Variants in PLCH2 observed in about 807,000 individuals in gnomAD.
PLCH2 encodes 1-phosphatidylinositol 4,5-bisphosphate phosphodiesterase eta-2.
A neutral mutation model predicts 134.7 loss-of-function variants in PLCH2; 98 were observed. The observed-to-expected ratio is 0.73, with a 90% CI of 0.62 to 0.86. The LOEUF (loss-of-function observed/expected upper bound fraction) is 0.86. Among genes scored for constraint, PLCH2 ranks in the 40% least tolerant of loss-of-function variants. The probability of loss-of-function intolerance (pLI) is 0.00; values close to 1 mark genes in which losing one functional copy is unlikely to be tolerated. For missense variants in PLCH2, 1,994 were observed against 1,986.6 expected, an observed-to-expected ratio of 1.00 and a Z score of -0.07; for synonymous variants, 974 against 827.5, an observed-to-expected ratio of 1.18 and a Z score of -3.04.
Position 2,504,783 on chromosome 1 carries a change from G to T in PLCH2, c.3821G>T (p.Arg1274Leu). ...GCCCCTAGCTTTGAGGGCGGCTCCC[G>T]CAGACTGAGCCACAGCCTGGGCCTC... ...DFAPSFEGGSRRLSHSLGLPG... is the reference protein window; with the variant it reads ...DFAPSFEGGSLRLSHSLGLPG... Residue 1274 changes from arginine (R) to leucine (L), a missense_variant, in exon 22 of 22, where the codon CGC (arginine) becomes CTC (leucine). This residue lies in a region of PLCH2 where 900 missense variants were observed against 752.3 expected (regional missense o/e 1.20). Transcript: ENST00000378486. 6.2e-7 allele frequency: 1 copy of T among 1,612,004 alleles called. No homozygotes were observed. Among genetic ancestry groups the T allele is most frequent in the East Asian group, 2.2e-5 (1 of 44,848 alleles).
chr1:2,486,768 G>A (rs1642307954), intron 5 of PLCH2, 139 bp from the exon 6 acceptor site: 2 of 692,276 alleles, frequency 2.9e-6, no homozygotes, highest in Non-Finnish European at 5.1e-6. Flanking sequence ...CCCAAGTCAT[G>A]TGACACTGGA....
chr1:2,491,081 C>A, intron 10 of PLCH2, 111 bp from the exon 11 acceptor site: 1 of 1,080,328 alleles, frequency 9.3e-7, no homozygotes, highest in Non-Finnish European at 1.3e-6. Flanking sequence ...GTGAATCACA[C>A]GCCTTCCCTG....
rs1643057548 is a variant in PLCH2 at position 2,498,987 on chromosome 1, G to A, written c.2435-97G>A. On this transcript the variant is annotated intron_variant, in intron 18 of 21. Transcript: ENST00000378486. The surrounding 1 kb of genome is among the most constrained non-coding windows in gnomAD (Gnocchi z 5.4). Reference sequence around the variant, plus strand: ...GGCAGTCCCGGAAGCAGCACCGGGAGTGGCACTGGGAGTGGTGTGGGCCGG... The same window carrying A: ...GGCAGTCCCGGAAGCAGCACCGGGAATGGCACTGGGAGTGGTGTGGGCCGG... 2 of 1,457,968 alleles carry A rather than the reference G, an allele frequency of 1.4e-6. No homozygotes were observed. Among genetic ancestry groups the A allele is most frequent in the African/African-American group, 1.4e-5 (1 of 71,464 alleles). The allele number at this position is 1,457,968 out of a possible 1,614,324, so 90.3% of individuals were successfully genotyped here.
intron 2 of PLCH2, among the ~76,000 whole-genome samples, chr1:2,443,680 C>T (rs1344479993): frequency 6.7e-6 from 1 of 149,074 alleles, no homozygotes; most frequent in East Asian, 1.9e-4. Flanking sequence ...GCGGAGCCCG[C>T]GCCCCCGGCC....
Position 2,439,685 on chromosome 1 carries a change from C to T in PLCH2, c.115+9056C>T, listed in dbSNP as rs1291816756. 6.6e-6 allele frequency among the ~76,000 whole-genome samples: 1 copy of T among 152,224 alleles called. No individual in the cohort carries two copies. Among genetic ancestry groups the T allele is most frequent in the Non-Finnish European group, 1.5e-5 (1 of 68,044 alleles). ...CCTCTGAGACCTCCCGCCCAGGTCT[C>T]TGGCCCTGAGCCATCTGTTCACCTG... On this transcript the variant is annotated intron_variant, in intron 2 of 3. Coordinates refer to the PLCH2 transcript ENST00000609981. The surrounding 1 kb of genome is among the most constrained non-coding windows in gnomAD (Gnocchi z 4.7).
At chr1:2,434,502 G>C (rs1639231413) in intron 2 of PLCH2, among the ~76,000 whole-genome samples, 1 of 152,228 alleles carries the variant, frequency 6.6e-6, no homozygotes, top group Admixed American at 6.5e-5. Context: ...CACTGCCTTT[G>C]TAGACAAAGC....
chr1:2,455,580 A>T (rs1212313717), intron 2 of PLCH2, among the ~76,000 whole-genome samples: 2 of 152,132 alleles, frequency 1.3e-5, no homozygotes, highest in East Asian at 3.9e-4. Flanking sequence ...CTCTGTGGCC[A>T]CCATAGCTGG....
chr1:2,497,395 G>A (rs954050492), intron 15 of PLCH2, 107 bp from the exon 16 acceptor site: 3 of 731,268 alleles, frequency 4.1e-6, no homozygotes, highest in Non-Finnish European at 7.0e-6. Flanking sequence ...GCAGACGGCA[G>A]ATACGCGGCA....
At chr1:2,435,695 T>C (rs1277572925) in intron 2 of PLCH2, among the ~76,000 whole-genome samples, 1 of 151,734 alleles carries the variant, frequency 6.6e-6, no homozygotes, top group East Asian at 1.9e-4. Context: ...GGAGACTGGG[T>C]TTCCAGGGTC....
chr1:2,418,035 G>A, the PLCH2 span, among the ~76,000 whole-genome samples: 2 of 152,222 alleles, frequency 1.3e-5, no homozygotes, highest in Non-Finnish European at 2.9e-5. Context: ...GCATCCCTGT[G>A]TCCTGCCCCC....
intron 4 of PLCH2, among the ~76,000 whole-genome samples, chr1:2,480,855 G>C (rs759151830): frequency 6.6e-6 from 1 of 152,222 alleles, no homozygotes; most frequent in East Asian, 1.9e-4. Context: ...CTGCTGGGCC[G>C]GGGGAGAGAA....
rs559173476 is a variant in PLCH2 at position 2,503,767 on chromosome 1, G to A, written c.2960-155G>A. ...GGGACACCGAGTGTGCCGCGCCCGG[G>A]GGATGCCTCGGGGTGGGAGCTGGGC... On this transcript the variant is annotated intron_variant, in intron 21 of 21. Transcript: ENST00000378486. 1.4e-4 allele frequency: 84 copies of A among 615,896 alleles called. 1 individual carries two copies. Among genetic ancestry groups the A allele is most frequent in the African/African-American group, 1.3e-3 (71 of 54,580 alleles). 38.2% of individuals were successfully genotyped at this position (615,896 alleles called of 1,614,324 possible). A position where few individuals can be genotyped will look rare whatever the true frequency, so the allele number is the denominator to read the frequency against.
rs757985533 is a variant in PLCH2, at chr1:2,487,375, G to A, written c.1113G>A (p.Glu371=). 4.3e-6 allele frequency: 7 copies of A among 1,612,182 alleles called. No homozygotes were observed. The Admixed American group carries it at 1.2e-4, about 27-fold the overall frequency. The stretch of plus-strand genomic sequence containing the variant: ...TGCAGGCTGGCTGCCGCTGCGTGGA[G>A]GGTAAGCCCTGGACCTTGGGTGACG... ...WVLQAGCRCV[E]VDCWDGPDGE... The change falls in exon 7 of 22, where the codon GAG becomes GAA. Residue 371 remains glutamate, a splice_region_variant and synonymous_variant. Transcript: ENST00000378486.
chr1:2,417,180 G>A, the PLCH2 span, among the ~76,000 whole-genome samples: 2 of 152,176 alleles, frequency 1.3e-5, no homozygotes, highest in Non-Finnish European at 2.9e-5. Context: ...CCATGACCTC[G>A]CTGATAGGAA....
At chr1:2,420,136 G>A in the PLCH2 span, among the ~76,000 whole-genome samples, 48,249 of 151,692 alleles carry the variant, frequency 0.32, 7,874 homozygotes, top group East Asian at 0.52. Context: ...TCAGTGCTGA[G>A]TTAAGGACTC....
chr1:2,489,738 C>A, intron 9 of PLCH2, 22 bp from the exon 10 acceptor site: 2 of 1,576,084 alleles, frequency 1.3e-6, no homozygotes, highest in South Asian at 2.2e-5. Context: ...GGGCCCCTCC[C>A]ATCATGCACC....
intron 4 of PLCH2, among the ~76,000 whole-genome samples, chr1:2,484,190 T>C (rs953938589): frequency 5.9e-5 from 9 of 152,086 alleles, no homozygotes; most frequent in Non-Finnish European, 1.2e-4. Context: ...GGTGAGTATA[T>C]GGAGGTGGCT....
In PLCH2 at chr1:2,448,630, C is replaced by T. The variant is rs752842667; in HGVS notation, c.115+18001C>T. Among the ~76,000 whole-genome samples, 5 of 152,130 alleles carry T rather than the reference C, an allele frequency of 3.3e-5. No individual in the cohort carries two copies. The highest frequency in any genetic ancestry group is 5.9e-5 in the Non-Finnish European group (4 of 68,028). ...TCGCCCTTCAGCCCCCTACTGTGGCCGTGTGCTCCACCCCAGCACCCCCGC... is the reference window on the plus strand; with the variant it reads ...TCGCCCTTCAGCCCCCTACTGTGGCTGTGTGCTCCACCCCAGCACCCCCGC... On this transcript the variant is annotated intron_variant, in intron 2 of 3. Transcript: ENST00000609981. This position sits in a 1 kb window ranked among gnomAD's most constrained non-coding sequence, Gnocchi z 4.0.
intron 21 of PLCH2, 122 bp downstream of exon 21, chr1:2,502,531 C>A (rs755501457): frequency 7.4e-6 from 8 of 1,075,890 alleles, no homozygotes; most frequent in Non-Finnish European, 7.0e-6. Context: ...TGGGATCCTG[C>A]GCCGGCGTGA....
Sources: gnomAD v4.1 joint callset for allele counts (sites outside exome capture counted in the v4.1 genomes callset) on GRCh38, gnomAD v4.1.1 for gene constraint, gnomAD v4.1.1 regional missense constraint, Gnocchi (gnomAD v3.1) non-coding constraint, MANE v1.5 for transcripts, NCBI Gene and HGNC (gene_info 2026-07-23, HGNC 2026-07-21) for gene names.